The following RIMBP2 variants were observed in gnomAD, a reference collection of about 807,000 sequenced individuals.
RIMBP2 encodes RIMS binding protein 2.
A neutral mutation model predicts 118.6 loss-of-function variants in RIMBP2; 48 were observed. The observed-to-expected ratio is 0.40, with a 90% CI of 0.32 to 0.51. The LOEUF (loss-of-function observed/expected upper bound fraction) is 0.51. Ranked by LOEUF, RIMBP2 falls within the 20% of genes least tolerant of loss-of-function variation. RIMBP2 has a pLI of 0.41. For synonymous variants in RIMBP2, 762 were observed against 742.9 expected (o/e 1.03, Z -0.42); for missense variants, 1,551 against 1,768.3 (o/e 0.88, Z 2.20).
chr12:130,479,006 T>C lies in RIMBP2; in HGVS notation c.8A>G (p.Glu3Gly). The C allele has an allele frequency of 6.2e-7, 1 of 1,613,596 alleles. No individual in the cohort carries two copies. The highest frequency in any genetic ancestry group is 8.5e-7 in the Non-Finnish European group (1 of 1,179,746). Residue 3 changes from glutamate to glycine, a missense_variant, in exon 5 of 23, where the codon GAG becomes GGG. Coordinates refer to ENST00000690449, the MANE Select transcript of RIMBP2 (RefSeq NM_001393629.1). MR[E>G]AAERRQQLQL... ...CAGCTGCTGCCGCCGTTCAGCCGCCTCTCGCATATGCTGTGGGGACAGAGA... is the reference window on the plus strand; with the variant it reads ...CAGCTGCTGCCGCCGTTCAGCCGCCCCTCGCATATGCTGTGGGGACAGAGA...
chr12:130,610,551 CTTTTTTTTTTTT>C (rs386378269), intron 2 of RIMBP2, among the ~76,000 whole-genome samples: 68 of 81,568 alleles, frequency 8.3e-4, no homozygotes, highest in African/African-American at 3.0e-3. Flanking sequence ...AATTTTCCTG[CTTTTTTTTTTTT>C]TTTTTTTTTT....
At chr12:130,550,999 C>G (rs898602149) in intron 2 of RIMBP2, among the ~76,000 whole-genome samples, 3 of 152,208 alleles carry the variant, frequency 2.0e-5, no homozygotes, top group African/African-American at 7.2e-5. Flanking sequence ...TGATGTGTGG[C>G]ACCACCTTCC....
chr12:130,414,083 C>T lies in RIMBP2; in HGVS notation c.3420+42G>A, dbSNP rs776120912. ...CTCTGCCCCCATGACCCAGACCCGC[C>T]TCAGGGGCTGATGAAGCCGCCCGCA... On this transcript the variant is annotated intron_variant, in intron 18 of 22. Coordinates refer to ENST00000690449, the MANE Select transcript of RIMBP2 (RefSeq NM_001393629.1). 8 of 1,606,326 alleles carry T rather than the reference C, an allele frequency of 5.0e-6. No individual in the cohort carries two copies. In the Admixed American group the frequency reaches 8.3e-5, roughly 17 times the overall value.
intron 12 of RIMBP2, 30 bp downstream of exon 12, chr12:130,438,335 A>ACCGGGCCC: frequency 1.2e-6 from 1 of 865,014 alleles, no homozygotes. Context: ...GGCCTAACAA[A>ACCGGGCCC]CCCTCCCCAC....
At chr12:130,532,443 G>T (rs1257043767) in intron 2 of RIMBP2, among the ~76,000 whole-genome samples, 22 of 136,958 alleles carry the variant, frequency 1.6e-4, no homozygotes, top group Middle Eastern at 5.0e-3. Context: ...CCTCTAGGAG[G>T]GACGTCTAAT....
intron 1 of RIMBP2, among the ~76,000 whole-genome samples, chr12:130,671,154 G>A (rs778459167): frequency 6.6e-6 from 1 of 152,130 alleles, no homozygotes; most frequent in East Asian, 1.9e-4. Flanking sequence ...TGTGGTGCCT[G>A]GAGCTACAGC....
At chr12:130,615,116 CAT>C (rs1243899832) in intron 2 of RIMBP2, among the ~76,000 whole-genome samples, 7 of 145,356 alleles carry the variant, frequency 4.8e-5, no homozygotes, top group South Asian at 2.1e-4. Context: ...TGTATATATA[CAT>C]ATGTGTATTA....
intron 12 of RIMBP2, 31 bp downstream of exon 12, chr12:130,438,334 A>AGCCGGGGGGGGGC: frequency 7.4e-7 from 1 of 1,344,518 alleles, no homozygotes; most frequent in Non-Finnish European, 1.1e-6. Context: ...GGGCCTAACA[A>AGCCGGGGGGGGGC]ACCCTCCCCA....
Position 130,434,641 on chromosome 12 carries a change from G to A in RIMBP2, c.2253+93C>T, listed in dbSNP as rs530194792. 8 of 1,353,754 alleles carry A rather than the reference G, an allele frequency of 5.9e-6. No individual in the cohort carries two copies. The Admixed American group carries it at 1.7e-4, about 28-fold the overall frequency. 83.9% of individuals were successfully genotyped at this position (1,353,754 alleles called of 1,614,324 possible). ...CATCTCTCTCAGGGACCCAAGGGTA[G>A]CGGGGAAAGTGCCCATGTCTCTTGA... On this transcript the variant is annotated intron_variant, in intron 14 of 22. Transcript: ENST00000690449. This position sits in a 1 kb window ranked among gnomAD's most constrained non-coding sequence, Gnocchi z 5.7.
intron 4 of RIMBP2, among the ~76,000 whole-genome samples, chr12:130,495,570 C>T (rs995820595): frequency 6.6e-6 from 1 of 152,152 alleles, no homozygotes; most frequent in Admixed American, 6.5e-5. Flanking sequence ...TGAGCTCCTC[C>T]CACCCCAGTA....
At chr12:130,628,746 C>A (rs1284583768) in intron 1 of RIMBP2, among the ~76,000 whole-genome samples, 1 of 152,136 alleles carries the variant, frequency 6.6e-6, no homozygotes, top group Non-Finnish European at 1.5e-5. Flanking sequence ...CTTGAGTAGA[C>A]CATCAAGTTC....
chr12:130,425,070 G>GGCAGAGCACAC, intron 15 of RIMBP2: 1 of 392,848 alleles, frequency 2.5e-6, no homozygotes, highest in Non-Finnish European at 4.5e-6. Flanking sequence ...TGGAGGCTGA[G>GGCAGAGCACAC]GCAGAGCACA....
At chr12:130,597,212 T>C (rs1400516504) in intron 2 of RIMBP2, among the ~76,000 whole-genome samples, 1 of 152,220 alleles carries the variant, frequency 6.6e-6, no homozygotes. Context: ...TCCAACAATA[T>C]ATTCAAAAGA....
chr12:130,643,243 C>T (rs1412793929), intron 1 of RIMBP2, among the ~76,000 whole-genome samples: 1 of 152,246 alleles, frequency 6.6e-6, no homozygotes, highest in Admixed American at 6.5e-5. Flanking sequence ...CACACTCGCC[C>T]TGGCCCCGGG....
intron 1 of RIMBP2, among the ~76,000 whole-genome samples, chr12:130,645,583 C>G (rs2062830440): frequency 6.6e-6 from 1 of 152,338 alleles, no homozygotes; most frequent in South Asian, 2.1e-4. Flanking sequence ...GTCATGCCCT[C>G]TCCCACTGGA....
At chr12:130,580,389 A>G (rs1383687786) in intron 2 of RIMBP2, among the ~76,000 whole-genome samples, 1 of 152,036 alleles carries the variant, frequency 6.6e-6, no homozygotes, top group Non-Finnish European at 1.5e-5. Context: ...GGTTTTATGA[A>G]AGGGCAGTTC....
rs898316833 is a variant in RIMBP2, at chr12:130,450,073, C to A, written c.581+127G>T. Reference sequence around the variant, plus strand: ...AACCCTGCTCAGCCTCCAGGCCAGGCTGAAATCCCACCTTCTCCTCGTGCC... The same window carrying A: ...AACCCTGCTCAGCCTCCAGGCCAGGATGAAATCCCACCTTCTCCTCGTGCC... On this transcript the variant is annotated intron_variant, in intron 9 of 22. Coordinates refer to ENST00000690449, the MANE Select transcript of RIMBP2 (RefSeq NM_001393629.1). This position sits in a 1 kb window ranked among gnomAD's most constrained non-coding sequence, Gnocchi z 4.8. The A allele has an allele frequency of 1.5e-6, 1 of 659,200 alleles. No homozygotes were observed. Among genetic ancestry groups the A allele is most frequent in the Non-Finnish European group, 2.7e-6 (1 of 373,858 alleles). The allele number at this position is 659,200 out of a possible 1,614,324, so 40.8% of individuals were successfully genotyped here.
Position 130,442,688 on chromosome 12 carries a change from C to A in RIMBP2, c.692-28G>T, listed in dbSNP as rs376196763. On this transcript the variant is annotated intron_variant, in intron 10 of 22. Transcript: ENST00000690449. This position sits in a 1 kb window ranked among gnomAD's most constrained non-coding sequence, Gnocchi z 6.9. ...GTTGGGTACAAGGACAGAGTTATCACCCAGCCAACACAGCAGGGGCCTCGA... is the reference window on the plus strand; with the variant it reads ...GTTGGGTACAAGGACAGAGTTATCAACCAGCCAACACAGCAGGGGCCTCGA... 5 of 1,591,704 alleles carry A rather than the reference C, an allele frequency of 3.1e-6. No individual in the cohort carries two copies. Among genetic ancestry groups the A allele is most frequent in the African/African-American group, 1.3e-5 (1 of 74,592 alleles).
At chr12:130,516,127 A>G (rs541547327) in intron 3 of RIMBP2, among the ~76,000 whole-genome samples, 1 of 152,360 alleles carries the variant, frequency 6.6e-6, no homozygotes, top group South Asian at 2.1e-4. Flanking sequence ...AACAATGTGC[A>G]GGATTCCAGT....
Sources: allele counts gnomAD v4.1 joint callset (sites outside exome capture counted in the v4.1 genomes callset), GRCh38; gene constraint gnomAD v4.1.1; non-coding constraint Gnocchi (gnomAD v3.1); transcripts MANE v1.5; gene names NCBI Gene and HGNC (gene_info 2026-07-23, HGNC 2026-07-21).